PACS1: variants seen among roughly 807,000 people sequenced by gnomAD.
The protein encoded by PACS1 is PACS-1.
In PACS1, 24 loss-of-function variants were observed where a neutral mutation model predicts 115.0. The ratio of observed to expected loss-of-function variants is 0.21; its 90% confidence interval spans 0.15 to 0.29. PACS1 has a LOEUF of 0.29. Among genes scored for constraint, PACS1 ranks in the 10% least tolerant of loss-of-function variants. The probability of loss-of-function intolerance (pLI) is 1.00; values close to 1 mark genes in which losing one functional copy is unlikely to be tolerated. For synonymous variants in PACS1, 453 were observed against 504.5 expected (o/e 0.90, Z 1.37); for missense variants, 838 against 1,251.2 (o/e 0.67, Z 4.98).
At chr11:66,186,037 C>T (rs1262848519) in intron 1 of PACS1, among the ~76,000 whole-genome samples, 2 of 152,068 alleles carry the variant, frequency 1.3e-5, no homozygotes, top group Admixed American at 6.5e-5. Flanking sequence ...GAGGCCGAGG[C>T]AGGAGGATCG....
intron 1 of PACS1, among the ~76,000 whole-genome samples, chr11:66,146,538 G>A (rs887599144): frequency 1.3e-5 from 2 of 152,058 alleles, no homozygotes; most frequent in Non-Finnish European, 2.9e-5. Flanking sequence ...AATGAACAGA[G>A]CCTCAGAGAT....
At position 66,070,684 on chromosome 11, in the gene PACS1, CTCCTCG is replaced by C; in HGVS notation, c.207_212del (p.Ser70_Ser71del). On this transcript the variant is annotated inframe_deletion, in exon 1 of 24. Coordinates refer to ENST00000320580, the MANE Select transcript of PACS1 (RefSeq NM_018026.4). The surrounding 1 kb of genome is among the most constrained non-coding windows in gnomAD (Gnocchi z 5.9). ...CGTCCACCTCGGCGGCGGCTGCCTCCTCCTCGTCCTCGTCTACCTCCACCTCCATGG... is the reference window on the plus strand; with the variant it reads ...CGTCCACCTCGGCGGCGGCTGCCTCCTCCTCGTCTACCTCCACCTCCATGG... 2 of 1,578,264 alleles carry C rather than the reference CTCCTCG, an allele frequency of 1.3e-6. No individual in the cohort carries two copies. Among genetic ancestry groups the C allele is most frequent in the African/African-American group, 1.4e-5 (1 of 72,088 alleles).
At chr11:66,106,657 G>A (rs1858048152) in intron 1 of PACS1, among the ~76,000 whole-genome samples, 2 of 152,094 alleles carry the variant, frequency 1.3e-5, no homozygotes, top group South Asian at 4.1e-4. Flanking sequence ...GAGGTAGGCT[G>A]AGGTGGGAGG....
chr11:66,138,735 T>G (rs1021152120), intron 1 of PACS1, among the ~76,000 whole-genome samples: 1 of 151,266 alleles, frequency 6.6e-6, no homozygotes, highest in African/African-American at 2.4e-5. Context: ...CAAGCTGGAG[T>G]GCAGTGGCGC....
rs1316594454 is a variant in PACS1, at chr11:66,235,273, A to G, written c.2105-28A>G. 1 of 1,561,776 alleles carries G rather than the reference A, an allele frequency of 6.4e-7. No homozygotes were observed. Among genetic ancestry groups the G allele is most frequent in the Non-Finnish European group, 8.8e-7 (1 of 1,132,746 alleles). ...GGTTTGCCAGCTGAAGTCAGTAGGC[A>G]GTTAGTGATCTCTTGGCTTTTCTGC... On this transcript the variant is annotated intron_variant, in intron 17 of 23. Coordinates refer to ENST00000320580, the MANE Select transcript of PACS1 (RefSeq NM_018026.4). This position sits in a 1 kb window ranked among gnomAD's most constrained non-coding sequence, Gnocchi z 5.6.
intron 2 of PACS1, among the ~76,000 whole-genome samples, chr11:66,209,837 G>A (rs1171476728): frequency 2.6e-5 from 4 of 151,978 alleles, no homozygotes; most frequent in South Asian, 4.2e-4. Context: ...CCTGGGAGGC[G>A]GAGGTTGCAG....
At chr11:66,081,404 TCTCC>T (rs1857475866) in intron 1 of PACS1, among the ~76,000 whole-genome samples, 1 of 151,932 alleles carries the variant, frequency 6.6e-6, no homozygotes, top group Admixed American at 6.6e-5. Flanking sequence ...CAACCTAATT[TCTCC>T]GTCTTCCCTG....
intron 4 of PACS1, among the ~76,000 whole-genome samples, chr11:66,211,801 G>A (rs1357378425): frequency 6.6e-6 from 1 of 152,222 alleles, no homozygotes; most frequent in Non-Finnish European, 1.5e-5. Context: ...TATTCGGATT[G>A]TGCTGAGTGT....
intron 1 of PACS1, among the ~76,000 whole-genome samples, chr11:66,182,637 C>T (rs1860036500): frequency 6.6e-6 from 1 of 152,062 alleles, no homozygotes; most frequent in Non-Finnish European, 1.5e-5. Context: ...TGTGCCACCA[C>T]CCTGGGCTAG....
At chr11:66,232,119 C>A in intron 13 of PACS1, 53 bp from the exon 14 acceptor site, 1 of 1,190,112 alleles carries the variant, frequency 8.4e-7, no homozygotes, top group Non-Finnish European at 1.3e-6. Flanking sequence ...CAGCCCTGTC[C>A]TCAGGCTCCC....
intron 1 of PACS1, among the ~76,000 whole-genome samples, chr11:66,161,655 T>TA (rs1184646447): frequency 6.6e-6 from 1 of 152,010 alleles, no homozygotes; most frequent in Non-Finnish European, 1.5e-5. Flanking sequence ...TTGTGGGTAA[T>TA]AAAAAAAGAT....
chr11:66,133,621 T>C (rs1471268518), intron 1 of PACS1, among the ~76,000 whole-genome samples: 2 of 152,208 alleles, frequency 1.3e-5, no homozygotes, highest in African/African-American at 2.4e-5. Context: ...GTTCAAGCTG[T>C]CCTCCAGGGT....
rs145394100 is a variant in PACS1 at position 66,125,350 on chromosome 11, A to G, written c.356+54508A>G. 1.3e-3 allele frequency among the ~76,000 whole-genome samples: 204 copies of G among 152,304 alleles called. 1 individual carries two copies. The highest frequency in any genetic ancestry group is 0.012 in the East Asian group (62 of 5,178). On this transcript the variant is annotated intron_variant, in intron 1 of 23. Transcript: ENST00000320580. ...GTAGACCAAATCTTATTGCAATTAA[A>G]TTTCTACTTTTAGCATCATTTGCTA...
chr11:66,238,603 C>T (rs183314547), intron 19 of PACS1: 4 of 556,116 alleles, frequency 7.2e-6, no homozygotes, highest in African/African-American at 3.8e-5. Context: ...CAGGTTCAAG[C>T]GATTCTCCTA....
intron 14 of PACS1, 40 bp from the exon 15 acceptor site, chr11:66,232,919 GT>G: frequency 6.9e-7 from 1 of 1,452,814 alleles, no homozygotes; most frequent in East Asian, 2.3e-5. Context: ...GGAGTGATGT[GT>G]TCTCACCTGT....
chr11:66,225,831 GTC>G (rs1361398683), intron 10 of PACS1, among the ~76,000 whole-genome samples: 1 of 152,128 alleles, frequency 6.6e-6, no homozygotes, highest in Non-Finnish European at 1.5e-5. Context: ...ATTATCTCTA[GTC>G]TCAGGTCTAA....
At position 66,202,726 on chromosome 11, in the gene PACS1, G is replaced by GGGGAAAAAAAAAAAAA. The variant is rs1554988658; in HGVS notation, c.445-7636_445-7635insGGGAAAAAAAAAAAAA. Among the ~76,000 whole-genome samples the GGGGAAAAAAAAAAAAA allele has an allele frequency of 5.5e-4, 6 of 10,964 alleles. 1 individual carries two copies. The highest frequency in any genetic ancestry group is 1.4e-3 in the African/African-American group (6 of 4,192). The allele number at this position is 10,964 out of a possible 152,430, so 7.2% of individuals were successfully genotyped here. ...CAACATGGCAAAACCTCATCTCTAG[G>GGGGAAAAAAAAAAAAA]AAAAAAAAAAAAAAAAATATATATA... On this transcript the variant is annotated intron_variant, in intron 2 of 23. Coordinates refer to ENST00000320580, the MANE Select transcript of PACS1 (RefSeq NM_018026.4).
At chr11:66,090,372 G>A (rs552442385) in intron 1 of PACS1, among the ~76,000 whole-genome samples, 16 of 144,304 alleles carry the variant, frequency 1.1e-4, no homozygotes, top group Non-Finnish European at 2.1e-4. Context: ...TCCCAGGCCC[G>A]AGCAATCCTC....
In PACS1 at chr11:66,216,780, G is replaced by A; in HGVS notation, c.978+5G>A. 1 of 1,611,644 alleles carries A rather than the reference G, an allele frequency of 6.2e-7. No homozygotes were observed. The stretch of plus-strand genomic sequence containing the variant: ...TCAACCTCTGCCATCACAAGGGTGA[G>A]CCTCAAAGGTCTGGGGAGTGGTTGG... On this transcript the variant is annotated splice_donor_5th_base_variant and intron_variant, in intron 7 of 23. Transcript: ENST00000320580.
Sources: allele counts gnomAD v4.1 joint callset (sites outside exome capture counted in the v4.1 genomes callset), GRCh38; gene constraint gnomAD v4.1.1; non-coding constraint Gnocchi (gnomAD v3.1); transcripts MANE v1.5; gene names NCBI Gene and HGNC (gene_info 2026-07-23, HGNC 2026-07-21).